GDAP1: variants seen among roughly 807,000 people sequenced by gnomAD.
GDAP1 encodes the protein ganglioside induced differentiation associated protein 1, also known as ganglioside-induced differentiation-associated protein 1.
GDAP1 carries 34 observed loss-of-function variants against 40.1 expected under a neutral mutation model. That is an observed-to-expected ratio of 0.85 (90% confidence interval 0.64 to 1.13). The LOEUF (loss-of-function observed/expected upper bound fraction) is 1.13, where lower values mean the gene tolerates loss of function less well. Among genes scored for constraint, GDAP1 ranks in the 50% most tolerant of loss-of-function variants. The probability of loss-of-function intolerance (pLI) is 0.00; values close to 1 mark genes in which losing one functional copy is unlikely to be tolerated. For synonymous variants in GDAP1, 170 were observed against 157.4 expected (o/e 1.08, Z -0.60); for missense variants, 374 against 433.7 (o/e 0.86, Z 1.22).
chr8:74,482,735 T>A (rs1483759545), intron 2 of GDAP1, among the ~76,000 whole-genome samples: 1 of 152,220 alleles, frequency 6.6e-6, no homozygotes, highest in African/African-American at 2.4e-5. Context: ...GCACACTTAC[T>A]GGATAAATAG....
chr8:74,486,035 A>G (rs1806772130), intron 2 of GDAP1, among the ~76,000 whole-genome samples: 1 of 152,166 alleles, frequency 6.6e-6, no homozygotes. Flanking sequence ...CCTTGAGAGA[A>G]TTCCACTGAA....
chr8:74,356,502 T>A (rs555572245), intron 2 of GDAP1, among the ~76,000 whole-genome samples: 1 of 152,174 alleles, frequency 6.6e-6, no homozygotes, highest in Admixed American at 6.5e-5. Flanking sequence ...TACAGTGAAC[T>A]GATATAATTT....
At position 74,440,718 on chromosome 8, in the gene GDAP1, C is replaced by T. The variant is rs192699151; in HGVS notation, c.166-47960C>T. On this transcript the variant is annotated intron_variant, in intron 2 of 2. Coordinates refer to the GDAP1 transcript ENST00000523640. Reference sequence around the variant, plus strand: ...CCTGCTACATTGCTGGAGCAAAATTCAACACTAAACTTTAGTATATGAATT... The same window carrying T: ...CCTGCTACATTGCTGGAGCAAAATTTAACACTAAACTTTAGTATATGAATT... 6.6e-5 allele frequency among the ~76,000 whole-genome samples: 10 copies of T among 151,744 alleles called. No homozygotes were observed. The East Asian group carries it at 1.7e-3, about 27-fold the overall frequency.
At chr8:74,359,804 G>C (rs1477184434) in intron 2 of GDAP1, among the ~76,000 whole-genome samples, 1 of 152,220 alleles carries the variant, frequency 6.6e-6, no homozygotes, top group East Asian at 1.9e-4. Context: ...TATAGAAGAA[G>C]GCACATGTGA....
chr8:74,448,536 A>T (rs963291219), intron 2 of GDAP1, among the ~76,000 whole-genome samples: 1 of 151,794 alleles, frequency 6.6e-6, no homozygotes, highest in African/African-American at 2.4e-5. Flanking sequence ...ACCAGTGTAC[A>T]CTCTCCCTAG....
intron 2 of GDAP1, among the ~76,000 whole-genome samples, chr8:74,434,066 A>T (rs981562491): frequency 6.6e-6 from 1 of 152,178 alleles, no homozygotes; most frequent in Admixed American, 6.5e-5. Flanking sequence ...CATGGCAGTG[A>T]ATCTTATAGC....
chr8:74,416,934 T>TTG lies in GDAP1; in HGVS notation c.165+65614_165+65615insGT, dbSNP rs992668388. On this transcript the variant is annotated intron_variant, in intron 2 of 2. Coordinates refer to the GDAP1 transcript ENST00000523640. ...TTTTTGTTTTTTTGTTTTTTGTTTT[T>TTG]TTTTTTTTTAACAGAGGCATAGTGC... 1.5e-4 allele frequency among the ~76,000 whole-genome samples: 21 copies of TTG among 144,602 alleles called. 3 individuals carry two copies. Among genetic ancestry groups the TTG allele is most frequent in the African/African-American group, 5.5e-4 (20 of 36,510 alleles). 94.9% of individuals were successfully genotyped at this position (144,602 alleles called of 152,430 possible). A position where few individuals can be genotyped will look rare whatever the true frequency, so the allele number is the denominator to read the frequency against.
intron 2 of GDAP1, among the ~76,000 whole-genome samples, chr8:74,402,436 G>C (rs188854123): frequency 6.7e-6 from 1 of 150,224 alleles, no homozygotes; most frequent in Non-Finnish European, 1.5e-5. Context: ...TGAGTGACCC[G>C]ATTTTCCAGG....
At chr8:74,370,937 A>G (rs1407863296), downstream of GDAP1, among the ~76,000 whole-genome samples, 2 of 152,242 alleles carry the variant, frequency 1.3e-5, no homozygotes, top group Non-Finnish European at 2.9e-5. Flanking sequence ...TCATAAATAC[A>G]TATTCATCTA....
chr8:74,409,094 T>C (rs902485217), intron 2 of GDAP1, among the ~76,000 whole-genome samples: 1 of 149,950 alleles, frequency 6.7e-6, no homozygotes, highest in Non-Finnish European at 1.5e-5. Context: ...ATAAAAGTGC[T>C]CTATACGTGA....
chr8:74,421,103 G>A (rs981533890), intron 2 of GDAP1, among the ~76,000 whole-genome samples: 1 of 152,074 alleles, frequency 6.6e-6, no homozygotes, highest in East Asian at 1.9e-4. Context: ...GACTTAAAAG[G>A]ATTGCTTTTC....
At chr8:74,439,190 A>G (rs1312618499) in intron 2 of GDAP1, among the ~76,000 whole-genome samples, 1 of 151,996 alleles carries the variant, frequency 6.6e-6, no homozygotes, top group Non-Finnish European at 1.5e-5. Flanking sequence ...ATTTTCTACT[A>G]GTAAGTCTTT....
Position 74,401,974 on chromosome 8 carries a change from T to C in GDAP1, c.165+50653T>C, listed in dbSNP as rs866619347. On this transcript the variant is annotated intron_variant, in intron 2 of 2. Transcript: ENST00000523640. ...TCAGTCTGCCCCTACTAGGGGTGCC[T>C]CCCAGTTAGGCTGCTCAGGGGTCAG... Among the ~76,000 whole-genome samples, 38 of 150,260 alleles carry C rather than the reference T, an allele frequency of 2.5e-4. 2 individuals carry two copies. The Middle Eastern group carries it at 0.031, about 121-fold the overall frequency.
chr8:74,351,617 A>C (rs1419949250), intron 2 of GDAP1, 151 bp downstream of exon 2: 2 of 740,220 alleles, frequency 2.7e-6, no homozygotes, highest in African/African-American at 3.5e-5. Context: ...TAAGCACACA[A>C]ATATCAAATA....
At chr8:74,478,122 G>A (rs1806658708) in intron 2 of GDAP1, among the ~76,000 whole-genome samples, 1 of 151,916 alleles carries the variant, frequency 6.6e-6, no homozygotes, top group Non-Finnish European at 1.5e-5. Flanking sequence ...GGGTGGTGGG[G>A]GTGGGGAGCA....
chr8:74,470,021 C>A (rs575642854), intron 2 of GDAP1, among the ~76,000 whole-genome samples: 1 of 152,062 alleles, frequency 6.6e-6, no homozygotes, highest in Non-Finnish European at 1.5e-5. Context: ...TATTCTGAAA[C>A]CATTTGAGCC....
chr8:74,423,353 TTAAA>T (rs1226245656), intron 2 of GDAP1, among the ~76,000 whole-genome samples: 12 of 147,476 alleles, frequency 8.1e-5, no homozygotes, highest in Non-Finnish European at 1.6e-4. Context: ...AAATTATAAA[TTAAA>T]TAATACAAGA....
At chr8:74,421,672 G>A (rs943711427) in intron 2 of GDAP1, among the ~76,000 whole-genome samples, 8 of 152,150 alleles carry the variant, frequency 5.3e-5, no homozygotes, top group African/African-American at 1.9e-4. Flanking sequence ...GAAATCCAGT[G>A]AGTGGTGTCA....
chr8:74,479,307 T>G lies in GDAP1; in HGVS notation c.166-9371T>G, dbSNP rs189586159. Among the ~76,000 whole-genome samples the G allele has an allele frequency of 5.0e-3, 765 of 152,318 alleles. 4 individuals are homozygous for G. Among genetic ancestry groups the G allele is most frequent in the African/African-American group, 0.018 (735 of 41,582 alleles). On this transcript the variant is annotated intron_variant, in intron 2 of 2. Coordinates refer to the GDAP1 transcript ENST00000523640. ...GGATATTCTGTATTTTTAAGGCAGA[T>G]AGTTCAATAAATATTAATCAAGTCT...
Sources: allele counts gnomAD v4.1 joint callset (sites outside exome capture counted in the v4.1 genomes callset), GRCh38; gene constraint gnomAD v4.1.1; transcripts MANE v1.5; gene names NCBI Gene and HGNC (gene_info 2026-07-23, HGNC 2026-07-21).